Variants in MCM5 observed in about 807,000 individuals in gnomAD.
MCM5 encodes DNA replication licensing factor MCM5.
MCM5 carries 46 observed loss-of-function variants against 79.9 expected under a neutral mutation model. The observed-to-expected ratio is 0.58, with a 90% CI of 0.45 to 0.74. MCM5 has a LOEUF of 0.74. Among genes scored for constraint, MCM5 ranks in the 30% least tolerant of loss-of-function variants. MCM5 has a pLI of 0.00. For missense variants in MCM5, 883 were observed against 1,017.0 expected (o/e 0.87, Z 1.79); for synonymous variants, 404 against 390.5 (o/e 1.03, Z -0.41).
the MCM5 span, among the ~76,000 whole-genome samples, chr22:35,454,870 C>T: frequency 6.6e-6 from 1 of 152,088 alleles, no homozygotes; most frequent in African/African-American, 2.4e-5. Context: ...CCCCTGGTCT[C>T]CACCCACTAG....
In MCM5 at chr22:35,421,407, T is replaced by C; in HGVS notation, c.1922T>C (p.Leu641Pro). 6.2e-7 allele frequency: 1 copy of C among 1,614,144 alleles called. No homozygotes were observed. The stretch of plus-strand genomic sequence containing the variant: ...ACAGAGGCAGATGTGGAGGAGGCCC[T>C]GCGGCTCTTCCAAGTGTCCACGTTG... ...FATEADVEEA[L>P]RLFQVSTLDA... The change falls in exon 15 of 17, where the codon CTG (leucine) becomes CCG (proline). Residue 641 changes from leucine (L) to proline (P), a missense_variant. Leu to Pro is a moderately conservative substitution (Grantham distance 98, BLOSUM62 -3). Around this residue, in one of 3 missense-constraint regions of MCM5, gnomAD observed 426 missense variants for 482.3 expected, o/e 0.88. Transcript: ENST00000216122.
the MCM5 span, among the ~76,000 whole-genome samples, chr22:35,453,799 GATATATAT>G: frequency 1.1e-5 from 1 of 91,134 alleles, no homozygotes; most frequent in South Asian, 4.1e-4. Flanking sequence ...AGAGACAAAA[GATATATAT>G]ATATATATAT....
chr22:35,439,244 C>T, the MCM5 span, among the ~76,000 whole-genome samples: 2 of 151,924 alleles, frequency 1.3e-5, no homozygotes, highest in Non-Finnish European at 1.5e-5. Flanking sequence ...TCCATCCATC[C>T]ACCCACCCAC....
chr22:35,423,072 C>A, intron 15 of MCM5, 142 bp from the exon 16 acceptor site: 1 of 833,722 alleles, frequency 1.2e-6, no homozygotes, highest in Non-Finnish European at 1.8e-6. Context: ...AGGCCTGCAC[C>A]ACCCTGGCAC....
At chr22:35,433,023 C>T in the MCM5 span, among the ~76,000 whole-genome samples, 1 of 152,104 alleles carries the variant, frequency 6.6e-6, no homozygotes, top group Non-Finnish European at 1.5e-5. Context: ...CACCCTCAAC[C>T]TTGTGGGCTC....
At chr22:35,446,494 C>T in the MCM5 span, among the ~76,000 whole-genome samples, 1 of 152,154 alleles carries the variant, frequency 6.6e-6, no homozygotes, top group Non-Finnish European at 1.5e-5. Flanking sequence ...CTGCTGCGCA[C>T]CCTGGAAGTG....
the MCM5 span, among the ~76,000 whole-genome samples, chr22:35,432,573 A>G: frequency 6.6e-6 from 1 of 152,248 alleles, no homozygotes; most frequent in African/African-American, 2.4e-5. Flanking sequence ...GGAGGAAAGC[A>G]AGGGCCCAGA....
the MCM5 span, among the ~76,000 whole-genome samples, chr22:35,437,959 C>T: frequency 6.6e-6 from 1 of 152,238 alleles, no homozygotes; most frequent in Non-Finnish European, 1.5e-5. Context: ...CCAGGACACA[C>T]AGCAAGTTAG....
chr22:35,423,497 T>G, intron 16 of MCM5, 156 bp downstream of exon 16: 1 of 738,456 alleles, frequency 1.4e-6, no homozygotes, highest in Non-Finnish European at 2.0e-6. Context: ...CTAGCCATCA[T>G]TCCTTCCCTA....
At chr22:35,412,101 C>A (rs1251041558) in intron 7 of MCM5, among the ~76,000 whole-genome samples, 10 of 152,220 alleles carry the variant, frequency 6.6e-5, no homozygotes, top group Admixed American at 6.5e-4. Flanking sequence ...CCTTGTCAGC[C>A]CTCCCTGGAT....
chr22:35,424,591 T>C lies in MCM5; in HGVS notation c.*336T>C. ...GAGGGAACAGGGTCTGGAGGCAGACTGGCCAGGGTTTCTGACTTGGATCTG... is the reference window on the plus strand; with the variant it reads ...GAGGGAACAGGGTCTGGAGGCAGACCGGCCAGGGTTTCTGACTTGGATCTG... On this transcript the variant is annotated 3_prime_UTR_variant, in exon 17 of 17. Coordinates refer to ENST00000216122, the MANE Select transcript of MCM5 (RefSeq NM_006739.4). The C allele has an allele frequency of 4.7e-6, 1 of 213,492 alleles. No individual in the cohort carries two copies. The highest frequency in any genetic ancestry group is 9.3e-6 in the Non-Finnish European group (1 of 107,794). 13.2% of individuals were successfully genotyped at this position (213,492 alleles called of 1,614,324 possible). A position where few individuals can be genotyped will look rare whatever the true frequency, so the allele number is the denominator to read the frequency against.
At chr22:35,420,284 G>A (rs984812588) in intron 14 of MCM5, among the ~76,000 whole-genome samples, 1 of 152,238 alleles carries the variant, frequency 6.6e-6, no homozygotes, top group Non-Finnish European at 1.5e-5. Flanking sequence ...AGGGAGGGAA[G>A]GACCCAGGCC....
intron 4 of MCM5, among the ~76,000 whole-genome samples, chr22:35,406,319 G>A (rs1010326127): frequency 1.5e-5 from 2 of 132,772 alleles, no homozygotes; most frequent in African/African-American, 2.9e-5. Flanking sequence ...ATTGTGCTGC[G>A]AGGTCTTTAA....
chr22:35,417,880 G>T, intron 13 of MCM5, 24 bp downstream of exon 13: 1 of 1,578,082 alleles, frequency 6.3e-7, no homozygotes, highest in Non-Finnish European at 8.7e-7. Context: ...GCAGGCCCAC[G>T]GGGGTGAGGT....
chr22:35,429,681 G>A (rs1282721497), downstream of MCM5, among the ~76,000 whole-genome samples: 3 of 152,012 alleles, frequency 2.0e-5, no homozygotes, highest in Non-Finnish European at 4.4e-5. Context: ...GACTACAGGC[G>A]CGCGCCACTG....
chr22:35,416,567 G>A, intron 11 of MCM5, 71 bp from the exon 12 acceptor site: 2 of 798,030 alleles, frequency 2.5e-6, no homozygotes, highest in South Asian at 1.5e-5. Context: ...GTGTGTGTGT[G>A]TGTGTAAACG....
chr22:35,442,117 C>A, the MCM5 span, among the ~76,000 whole-genome samples: 5 of 152,116 alleles, frequency 3.3e-5, no homozygotes, highest in South Asian at 8.3e-4. Context: ...AAAGTCCACG[C>A]TCCCCTGCTT....
At chr22:35,438,591 C>T in the MCM5 span, among the ~76,000 whole-genome samples, 11 of 48,088 alleles carry the variant, frequency 2.3e-4, no homozygotes, top group Admixed American at 5.9e-4. Context: ...ATCCATCCAT[C>T]CATGCATCCA....
At chr22:35,409,526 A>T (rs1932315741) in intron 6 of MCM5, 1 of 152,292 alleles carries the variant, frequency 6.6e-6, no homozygotes, top group Admixed American at 6.5e-5. Context: ...GTGAGCTGTG[A>T]TTACACCACT....
Sources: gnomAD v4.1 joint callset for allele counts (sites outside exome capture counted in the v4.1 genomes callset) on GRCh38, gnomAD v4.1.1 for gene constraint, gnomAD v4.1.1 regional missense constraint, MANE v1.5 for transcripts, NCBI Gene and HGNC (gene_info 2026-07-23, HGNC 2026-07-21) for gene names.